The following WSCD2 variants were observed in gnomAD, a reference collection of about 807,000 sequenced individuals.
The protein encoded by WSCD2 is sialate:O-sulfotransferase 2.
WSCD2 carries 28 observed loss-of-function variants against 55.7 expected under a neutral mutation model. That is an observed-to-expected ratio of 0.50 (90% CI 0.37 to 0.69). The LOEUF (loss-of-function observed/expected upper bound fraction) is 0.69. WSCD2 is among the 30% of genes least tolerant of loss of function. The pLI, the probability that WSCD2 is intolerant of heterozygous loss-of-function variation, is 0.00. For synonymous variants in WSCD2, 301 were observed against 301.9 expected (o/e 1.00, Z 0.03); for missense variants, 616 against 762.1 (o/e 0.81, Z 2.26).
chr12:108,174,582 C>T (rs895086671), intron 1 of WSCD2, among the ~76,000 whole-genome samples: 3 of 152,170 alleles, frequency 2.0e-5, no homozygotes, highest in African/African-American at 4.8e-5. Context: ...GTTTGCTCAT[C>T]CCACAAAATA....
chr12:108,146,611 A>C lies in WSCD2; in HGVS notation c.-552+16685A>C, dbSNP rs531234738. Among the ~76,000 whole-genome samples, 46 of 152,352 alleles carry C rather than the reference A, an allele frequency of 3.0e-4. No homozygotes were observed. In the East Asian group the frequency reaches 8.7e-3, roughly 29 times the overall value. On this transcript the variant is annotated intron_variant, in intron 1 of 8. Transcript: ENST00000547525. ...CTGTCCCAGATGGAGCTCAGGTGAC[A>C]GGGCTGGGCAGGGATTTGAATCAGG...
chr12:108,227,263 G>A (rs935843220), intron 6 of WSCD2, 99 bp downstream of exon 6: 8 of 1,421,384 alleles, frequency 5.6e-6, no homozygotes, highest in African/African-American at 1.4e-5. Context: ...CTGCAGCAAG[G>A]AGAAAACCAT....
At chr12:108,169,037 G>A (rs1293410481) in intron 1 of WSCD2, among the ~76,000 whole-genome samples, 2 of 152,076 alleles carry the variant, frequency 1.3e-5, no homozygotes, top group African/African-American at 4.8e-5. Flanking sequence ...GATCAGTGGT[G>A]GCATTAGATT....
intron 7 of WSCD2, among the ~76,000 whole-genome samples, chr12:108,236,299 G>C (rs1476339457): frequency 2.0e-5 from 3 of 152,184 alleles, no homozygotes; most frequent in Non-Finnish European, 4.4e-5. Context: ...CTGACAGGCT[G>C]CCTGACATTT....
At chr12:108,224,240 ACTTTTCCCGTAAAGCCCAGGG>A (rs60016239) in intron 4 of WSCD2, among the ~76,000 whole-genome samples, 33,025 of 152,008 alleles carry the variant, frequency 0.22, 3,780 homozygotes, top group African/African-American at 0.29. Flanking sequence ...GAGGCCCAGG[ACTTTTCCCGTAAAGCCCAGGG>A]CAATGAGAGG....
chr12:108,157,202 T>C (rs1216283487), intron 1 of WSCD2, among the ~76,000 whole-genome samples: 1 of 152,238 alleles, frequency 6.6e-6, no homozygotes, highest in African/African-American at 2.4e-5. Context: ...TACAGAAAAA[T>C]TGAGTAGCAA....
intron 1 of WSCD2, among the ~76,000 whole-genome samples, chr12:108,164,160 T>TTTTTTTTTTTTTTTTTTTTTTG (rs1412057706): frequency 6.9e-6 from 1 of 145,968 alleles, no homozygotes; most frequent in Non-Finnish European, 1.5e-5. Context: ...TTTTTTTTTT[T>TTTTTTTTTTTTTTTTTTTTTTG]TTCAGAGAGG....
intron 1 of WSCD2, among the ~76,000 whole-genome samples, chr12:108,181,896 G>A (rs1444898313): frequency 6.6e-6 from 1 of 152,176 alleles, no homozygotes; most frequent in African/African-American, 2.4e-5. Flanking sequence ...AACAGTTACT[G>A]CAGGTAACTC....
chr12:108,175,856 T>C (rs1880781314), intron 1 of WSCD2, among the ~76,000 whole-genome samples: 1 of 152,244 alleles, frequency 6.6e-6, no homozygotes, highest in Non-Finnish European at 1.5e-5. Context: ...TTCTTTTTTT[T>C]TGAGACAGAG....
At chr12:108,212,500 C>T (rs1347229057) in intron 4 of WSCD2, among the ~76,000 whole-genome samples, 1 of 151,832 alleles carries the variant, frequency 6.6e-6, no homozygotes, top group African/African-American at 2.4e-5. Context: ...TTTCTCTCCT[C>T]TCTCCCCTCT....
chr12:108,144,362 G>C (rs1395844890), intron 1 of WSCD2, among the ~76,000 whole-genome samples: 1 of 152,162 alleles, frequency 6.6e-6, no homozygotes, highest in Non-Finnish European at 1.5e-5. Flanking sequence ...TAGGCTTTGA[G>C]GATGGAATTC....
At chr12:108,167,395 T>TCC (rs1565929435) in intron 1 of WSCD2, 1 of 152,066 alleles carries the variant, frequency 6.6e-6, no homozygotes, top group African/African-American at 2.4e-5. Context: ...CCCACCCCAC[T>TCC]CCAATCTCTC....
rs116370050 is a variant in WSCD2, at chr12:108,135,088, C to T, written c.-552+5162C>T. 3.1e-3 allele frequency among the ~76,000 whole-genome samples: 472 copies of T among 152,314 alleles called. 5 individuals carry two copies. Among genetic ancestry groups the T allele is most frequent in the African/African-American group, 0.011 (454 of 41,564 alleles). On this transcript the variant is annotated intron_variant, in intron 1 of 8. Coordinates refer to ENST00000547525, the MANE Select transcript of WSCD2 (RefSeq NM_014653.4). ...ATCATGTCACAGAAGTGGGAATTGT[C>T]TATTTGAATGTGGTGAGATTTCTTC...
intron 3 of WSCD2, among the ~76,000 whole-genome samples, chr12:108,206,991 C>G (rs1395139090): frequency 6.6e-6 from 1 of 152,184 alleles, no homozygotes; most frequent in African/African-American, 2.4e-5. Flanking sequence ...ATATAAACTC[C>G]TTGTTTTTCT....
intron 1 of WSCD2, among the ~76,000 whole-genome samples, chr12:108,185,400 G>C (rs892810241): frequency 2.6e-5 from 4 of 152,108 alleles, no homozygotes; most frequent in African/African-American, 9.7e-5. Flanking sequence ...GTCTCCTGCT[G>C]CCTGGGACAT....
intron 2 of WSCD2, among the ~76,000 whole-genome samples, chr12:108,203,769 T>C (rs1344606): frequency 0.57 from 86,055 of 152,120 alleles, 24,662 homozygotes; most frequent in African/African-American, 0.63. Flanking sequence ...GGTGAAGTCA[T>C]CCAAAGTCCT....
intron 1 of WSCD2, among the ~76,000 whole-genome samples, chr12:108,193,054 C>T (rs1883390764): frequency 6.6e-6 from 1 of 152,134 alleles, no homozygotes; most frequent in South Asian, 2.1e-4. Flanking sequence ...GGTTTACCAT[C>T]CTGCTGCCAC....
At chr12:108,146,051 G>T (rs1877356234) in intron 1 of WSCD2, among the ~76,000 whole-genome samples, 1 of 152,234 alleles carries the variant, frequency 6.6e-6, no homozygotes, top group Non-Finnish European at 1.5e-5. Flanking sequence ...ATTGGAAGGG[G>T]TCTCAAGGTG....
Position 108,195,804 on chromosome 12 carries a change from C to G in WSCD2, c.-29C>G. On this transcript the variant is annotated 5_prime_UTR_variant, in exon 2 of 9. Coordinates refer to ENST00000547525, the MANE Select transcript of WSCD2 (RefSeq NM_014653.4). ...CTCTCCCAAGCACCCCAGCCAAGCC[C>G]CAGAGAGCCAGTCCGGAATGATCCC... The G allele has an allele frequency of 1.9e-6, 3 of 1,572,354 alleles. No homozygotes were observed. Among genetic ancestry groups the G allele is most frequent in the Non-Finnish European group, 2.6e-6 (3 of 1,156,948 alleles).
Sources: gnomAD v4.1 joint callset for allele counts (sites outside exome capture counted in the v4.1 genomes callset) on GRCh38, gnomAD v4.1.1 for gene constraint, MANE v1.5 for transcripts, NCBI Gene and HGNC (gene_info 2026-07-23, HGNC 2026-07-21) for gene names.